ASCC3: variants seen among roughly 807,000 people sequenced by gnomAD.
ASCC3 encodes the protein activating signal cointegrator 1 complex subunit 3.
A neutral mutation model predicts 256.3 loss-of-function variants in ASCC3; 158 were observed. That is an observed-to-expected ratio of 0.62 (90% CI 0.54 to 0.70). The LOEUF (loss-of-function observed/expected upper bound fraction) is 0.70. ASCC3 is among the 30% of genes least tolerant of loss of function. The pLI is 0.00. For missense variants in ASCC3, 2,259 were observed against 2,626.0 expected (o/e 0.86, Z 3.05); for synonymous variants, 948 against 883.4 (o/e 1.07, Z -1.30).
intron 30 of ASCC3, among the ~76,000 whole-genome samples, chr6:100,609,896 C>T (rs1291601496): frequency 6.6e-6 from 1 of 152,036 alleles, no homozygotes; most frequent in African/African-American, 2.4e-5. Flanking sequence ...GGCAACAGAG[C>T]TAGATTCTGT....
At chr6:100,555,531 G>A (rs980166395) in intron 36 of ASCC3, among the ~76,000 whole-genome samples, 2 of 152,088 alleles carry the variant, frequency 1.3e-5, no homozygotes, top group Non-Finnish European at 2.9e-5. Context: ...TTAAAATAGT[G>A]GGTACCAGCA....
chr6:100,688,254 G>C (rs1023694724), intron 13 of ASCC3, among the ~76,000 whole-genome samples: 1 of 128,726 alleles, frequency 7.8e-6, no homozygotes, highest in Non-Finnish European at 1.6e-5. Flanking sequence ...TAATTTTAAA[G>C]TGGTGGAGTT....
intron 34 of ASCC3, among the ~76,000 whole-genome samples, chr6:100,590,391 G>A (rs542500798): frequency 6.6e-6 from 1 of 152,128 alleles, no homozygotes; most frequent in East Asian, 1.9e-4. Context: ...CAAGCAAAAA[G>A]CCTAAAGACA....
At chr6:100,556,347 G>A (rs1769572692) in intron 36 of ASCC3, among the ~76,000 whole-genome samples, 1 of 152,132 alleles carries the variant, frequency 6.6e-6, no homozygotes, top group Non-Finnish European at 1.5e-5. Flanking sequence ...TAAATGAAAT[G>A]AACGCTGGTG....
chr6:100,765,328 A>G (rs1213416298), intron 10 of ASCC3, among the ~76,000 whole-genome samples: 1 of 152,210 alleles, frequency 6.6e-6, no homozygotes, highest in Non-Finnish European at 1.5e-5. Flanking sequence ...CATGATGGGA[A>G]GTAAGAGCAG....
At chr6:100,859,007 G>A in intron 3 of ASCC3, 1 of 704,316 alleles carries the variant, frequency 1.4e-6, no homozygotes, top group South Asian at 1.5e-5. Context: ...ATAGCATATA[G>A]ATTTCTTTGT....
intron 10 of ASCC3, among the ~76,000 whole-genome samples, chr6:100,750,922 T>C (rs1325947935): frequency 6.6e-6 from 1 of 152,028 alleles, no homozygotes; most frequent in Non-Finnish European, 1.5e-5. Flanking sequence ...TTTCCTCTGA[T>C]GGTCACCTTG....
intron 38 of ASCC3, among the ~76,000 whole-genome samples, chr6:100,516,951 T>C (rs970114060): frequency 1.3e-5 from 2 of 152,034 alleles, no homozygotes; most frequent in African/African-American, 4.8e-5. Flanking sequence ...AGTACCCTAA[T>C]GTGCGTTCTT....
At chr6:100,512,962 G>T in intron 39 of ASCC3, 44 bp from the exon 40 acceptor site, 1 of 1,518,396 alleles carries the variant, frequency 6.6e-7, no homozygotes, top group Non-Finnish European at 9.1e-7. Context: ...GAGTTTATGT[G>T]AAATGCAATG....
chr6:100,552,353 C>G (rs1242166523), intron 36 of ASCC3, among the ~76,000 whole-genome samples: 1 of 151,762 alleles, frequency 6.6e-6, no homozygotes, highest in Non-Finnish European at 1.5e-5. Context: ...TTCAAAGAAA[C>G]AAGATTTTTA....
intron 10 of ASCC3, among the ~76,000 whole-genome samples, chr6:100,740,786 T>A (rs748175130): frequency 1.8e-4 from 27 of 152,210 alleles, no homozygotes; most frequent in South Asian, 4.1e-4. Context: ...TGAGTTTATG[T>A]GTGTCTTTGC....
At chr6:100,747,231 A>C (rs1235448273) in intron 10 of ASCC3, among the ~76,000 whole-genome samples, 2 of 152,110 alleles carry the variant, frequency 1.3e-5, no homozygotes, top group African/African-American at 4.8e-5. Context: ...AACTAGAATA[A>C]CTAAAATTAC....
intron 36 of ASCC3, among the ~76,000 whole-genome samples, chr6:100,541,797 T>C (rs375666735): frequency 3.1e-4 from 47 of 152,320 alleles, no homozygotes; most frequent in East Asian, 1.3e-3. Flanking sequence ...AGGACTGACA[T>C]AGATCTTAGA....
intron 30 of ASCC3, among the ~76,000 whole-genome samples, chr6:100,614,672 G>T (rs1773572120): frequency 6.6e-6 from 1 of 152,120 alleles, no homozygotes. Context: ...GAATAAGAGG[G>T]ATATTTAGTT....
At chr6:100,647,640 T>C (rs531725065) in intron 20 of ASCC3, among the ~76,000 whole-genome samples, 189 bp from the exon 21 acceptor site, 45 of 152,258 alleles carry the variant, frequency 3.0e-4, no homozygotes, top group African/African-American at 9.1e-4. Context: ...TCCTATCCTT[T>C]ATATGTGGAT....
intron 36 of ASCC3, among the ~76,000 whole-genome samples, chr6:100,542,432 C>T (rs1775505743): frequency 6.6e-6 from 1 of 152,126 alleles, no homozygotes; most frequent in African/African-American, 2.4e-5. Context: ...CCTGTAATCC[C>T]AGCACTTTGG....
chr6:100,806,073 G>T (rs1176496634), intron 4 of ASCC3, among the ~76,000 whole-genome samples, 193 bp from the exon 5 acceptor site: 1 of 151,874 alleles, frequency 6.6e-6, no homozygotes, highest in Admixed American at 6.6e-5. Context: ...AAGGCTTTCT[G>T]CAATTACATA....
intron 13 of ASCC3, among the ~76,000 whole-genome samples, chr6:100,696,276 C>T (rs1778077917): frequency 6.6e-6 from 1 of 152,034 alleles, no homozygotes; most frequent in Non-Finnish European, 1.5e-5. Context: ...ATGACAGCTA[C>T]AGATAAAGAC....
At chr6:100,571,655 G>C (rs1464534150) in intron 36 of ASCC3, among the ~76,000 whole-genome samples, 1 of 152,156 alleles carries the variant, frequency 6.6e-6, no homozygotes, top group Non-Finnish European at 1.5e-5. Context: ...ATAACCTCAT[G>C]AGGAAACTGA....
Sources: gnomAD v4.1 joint callset for allele counts (sites outside exome capture counted in the v4.1 genomes callset) on GRCh38, gnomAD v4.1.1 for gene constraint, MANE v1.5 for transcripts, NCBI Gene and HGNC (gene_info 2026-07-23, HGNC 2026-07-21) for gene names.